ATP8B3: variants seen among roughly 807,000 people sequenced by gnomAD.
The protein encoded by ATP8B3 is phospholipid-transporting ATPase IK.
ATP8B3 carries 141 observed loss-of-function variants against 140.9 expected under a neutral mutation model. The ratio of observed to expected loss-of-function variants is 1.00; its 90% CI spans 0.87 to 1.15. The LOEUF (loss-of-function observed/expected upper bound fraction) is 1.15. Ranked by LOEUF, ATP8B3 falls within the 50% of genes most tolerant of loss-of-function variation. The probability of loss-of-function intolerance (pLI) is 0.00; values close to 1 mark genes in which losing one functional copy is unlikely to be tolerated. For synonymous variants in ATP8B3, 765 were observed against 714.6 expected (o/e 1.07, Z -1.13); for missense variants, 1,874 against 1,740.6 (o/e 1.08, Z -1.36).
At chr19:1,792,950 C>T (rs941906231) in intron 18 of ATP8B3, among the ~76,000 whole-genome samples, 1 of 151,680 alleles carries the variant, frequency 6.6e-6, no homozygotes, top group Non-Finnish European at 1.5e-5. Context: ...CTGAGCTGCC[C>T]CTGCTCCCCA....
rs948322694 is a variant in ATP8B3, at chr19:1,789,741, A to AGGG, written c.2479-17_2479-15dup. On this transcript the variant is annotated splice_polypyrimidine_tract_variant and intron_variant, in intron 22 of 28. Coordinates refer to ENST00000310127, the MANE Select transcript of ATP8B3 (RefSeq NM_138813.4). ...CAGCAGTTTGTCCTGGCCGGCGGGG[A>AGGG]GGGGGCTGTGCCAGGCGCCGTGGCC... The AGGG allele has an allele frequency of 2.6e-6, 4 of 1,547,198 alleles. No homozygotes were observed. The African/African-American group carries it at 5.4e-5, about 21-fold the overall frequency.
intron 4 of ATP8B3, 101 bp from the exon 5 acceptor site, chr19:1,808,436 TC>T: frequency 2.6e-6 from 2 of 762,304 alleles, no homozygotes; most frequent in South Asian, 3.0e-5. Flanking sequence ...TCGCCCAGCA[TC>T]CTCTGGGCTA....
intron 24 of ATP8B3, among the ~76,000 whole-genome samples, chr19:1,787,786 G>A (rs1351119435): frequency 6.9e-6 from 1 of 145,002 alleles, no homozygotes; most frequent in Non-Finnish European, 1.5e-5. Flanking sequence ...GCTCATGCCT[G>A]TAATCCCAGC....
rs778506889 is a variant in ATP8B3 at position 1,787,086 on chromosome 19, G to A, written c.3153+17C>T. Reference sequence around the variant, plus strand: ...AAGCAGAGACCTGGAAGGAAGACCCGGCCTTGCCCTGCTCACCTGCTCAAA... The same window carrying A: ...AAGCAGAGACCTGGAAGGAAGACCCAGCCTTGCCCTGCTCACCTGCTCAAA... On this transcript the variant is annotated intron_variant, in intron 25 of 28. Transcript: ENST00000310127. 21 of 1,576,248 alleles carry A rather than the reference G, an allele frequency of 1.3e-5. No individual in the cohort carries two copies. The highest frequency in any genetic ancestry group is 1.1e-4 in the African/African-American group (8 of 74,102).
chr19:1,783,449 G>A (rs1015579952), intron 28 of ATP8B3, among the ~76,000 whole-genome samples, 179 bp from the exon 29 acceptor site: 1 of 152,118 alleles, frequency 6.6e-6, no homozygotes, highest in Admixed American at 6.5e-5. Flanking sequence ...GTTCTAAGGA[G>A]GACTCTAGTC....
At position 1,804,676 on chromosome 19, in the gene ATP8B3, C is replaced by G. The variant is rs572082235; in HGVS notation, c.904+698G>C. Among the ~76,000 whole-genome samples, 6 of 151,230 alleles carry G rather than the reference C, an allele frequency of 4.0e-5. No homozygotes were observed. The South Asian group carries it at 6.3e-4, about 16-fold the overall frequency. The stretch of plus-strand genomic sequence containing the variant: ...CAAAAATTAGCTGGGAGTGGTGGCA[C>G]GCACCTGTAATCCCAGCTACTCAGG... On this transcript the variant is annotated intron_variant, in intron 10 of 28. Coordinates refer to ENST00000310127, the MANE Select transcript of ATP8B3 (RefSeq NM_138813.4).
At chr19:1,809,816 G>A in intron 3 of ATP8B3, 82 bp from the exon 4 acceptor site, 1 of 1,312,114 alleles carries the variant, frequency 7.6e-7, no homozygotes, top group Non-Finnish European at 1.1e-6. Context: ...AGGGCTCATG[G>A]GGCCCGTGGG....
Position 1,806,008 on chromosome 19 carries a change from G to A in ATP8B3, c.751-50C>T, listed in dbSNP as rs1038294943. 3.1e-6 allele frequency: 5 copies of A among 1,609,972 alleles called. No homozygotes were observed. Among genetic ancestry groups the A allele is most frequent in the Non-Finnish European group, 4.2e-6 (5 of 1,178,638 alleles). On this transcript the variant is annotated intron_variant, in intron 8 of 28. Coordinates refer to ENST00000310127, the MANE Select transcript of ATP8B3 (RefSeq NM_138813.4). The surrounding 1 kb of genome is among the most constrained non-coding windows in gnomAD (Gnocchi z 5.6). ...TGCAAGAGGGGATGCAAGACAAATT[G>A]GGGGTGCGGCAGCCCTCCCCACCCT...
Position 1,789,678 on chromosome 19 carries a change from T to G in ATP8B3, c.2528A>C (p.Asn843Thr). The G allele has an allele frequency of 1.3e-6, 2 of 1,599,326 alleles. No individual in the cohort carries two copies. Among genetic ancestry groups the G allele is most frequent in the Admixed American group, 1.7e-5 (1 of 59,032 alleles). The part of the protein sequence containing the change: ...LRKEPRALAQ[N>T]VNMDEAWQEL... ...CTGCCACGCCTCGTCCATGTTCACG[T>G]TCTGCGCCAGGGCGCGCGGCTCCTT... The change falls in exon 23 of 29, where the codon AAC becomes ACC. Residue 843 changes from asparagine (N) to threonine (T), a missense_variant. Coordinates refer to ENST00000310127, the MANE Select transcript of ATP8B3 (RefSeq NM_138813.4).
chr19:1,789,839 A>C, intron 22 of ATP8B3, 51 bp downstream of exon 22: 3 of 1,590,554 alleles, frequency 1.9e-6, no homozygotes, highest in Middle Eastern at 1.8e-4. Flanking sequence ...CCGCCCCTCC[A>C]GGCCCCTCCC....
At position 1,808,394 on chromosome 19, in the gene ATP8B3, G is replaced by T. The variant is rs945505179; in HGVS notation, c.403-59C>A. ...GGTGCCATCCAGGCCAGGGGATGGGGGTGCCCGAGGCCAGACCTGCCTCAC... is the reference window on the plus strand; with the variant it reads ...GGTGCCATCCAGGCCAGGGGATGGGTGTGCCCGAGGCCAGACCTGCCTCAC... On this transcript the variant is annotated intron_variant, in intron 4 of 28. Transcript: ENST00000310127. 8 of 1,350,442 alleles carry T rather than the reference G, an allele frequency of 5.9e-6. No individual in the cohort carries two copies. In the Admixed American group the frequency reaches 9.2e-5, roughly 16 times the overall value. The allele number at this position is 1,350,442 out of a possible 1,614,324, so 83.7% of individuals were successfully genotyped here.
Position 1,785,728 on chromosome 19 carries a change from CTTGGGATTGGGTGGGGG to C in ATP8B3, c.3154-37_3154-21del. 1 of 1,533,258 alleles carries C rather than the reference CTTGGGATTGGGTGGGGG, an allele frequency of 6.5e-7. No homozygotes were observed. The highest frequency in any genetic ancestry group is 8.8e-7 in the Non-Finnish European group (1 of 1,136,728). 95.0% of individuals were successfully genotyped at this position (1,533,258 alleles called of 1,614,324 possible). ...CACGTCCTTGGGGCAAGCAGAAGCT[CTTGGGATTGGGTGGGGG>C]GCGGGGGACACCCAACAGAGATCAG... On this transcript the variant is annotated intron_variant, in intron 25 of 28. Coordinates refer to ENST00000310127, the MANE Select transcript of ATP8B3 (RefSeq NM_138813.4).
intron 25 of ATP8B3, among the ~76,000 whole-genome samples, chr19:1,786,824 C>T (rs2068320637): frequency 6.6e-6 from 1 of 150,658 alleles, no homozygotes; most frequent in South Asian, 2.2e-4. Flanking sequence ...CTGATCCTCT[C>T]TCCCCATTGC....
Position 1,796,079 on chromosome 19 carries a change from A to G in ATP8B3, c.1940T>C (p.Leu647Pro). ...FNSTRKRMSVLVRKPEGAICL... is the reference protein window; with the variant it reads ...FNSTRKRMSVPVRKPEGAICL... Reference sequence around the variant, plus strand: ...AGGGCTTGGGTGGCGGGGCTCACCCAGCACCGACATCCGTTTGCGCGTGCT... The same window carrying G: ...AGGGCTTGGGTGGCGGGGCTCACCCGGCACCGACATCCGTTTGCGCGTGCT... The change falls in exon 17 of 29, where the codon CTG becomes CCG. Residue 647 changes from leucine (L) to proline (P), a missense_variant and splice_region_variant. Leu to Pro is a moderately conservative substitution (Grantham distance 98). Around this residue, in one of 3 missense-constraint regions of ATP8B3, gnomAD observed 1,032 missense variants for 963.6 expected, o/e 1.07. Coordinates refer to ENST00000310127, the MANE Select transcript of ATP8B3 (RefSeq NM_138813.4). 6.2e-7 allele frequency: 1 copy of G among 1,612,718 alleles called. No individual in the cohort carries two copies.
chr19:1,808,359 C>G, intron 4 of ATP8B3, 24 bp from the exon 5 acceptor site: 3 of 1,584,478 alleles, frequency 1.9e-6, no homozygotes. Flanking sequence ...CGCGGGCTGC[C>G]TGGCAGAGGG....
rs139586745 is a variant in ATP8B3, at chr19:1,785,577, G to A, written c.3285C>T (p.Phe1095=). The A allele has an allele frequency of 7.6e-5, 122 of 1,613,180 alleles. 3 individuals carry two copies. In the East Asian group the frequency reaches 2.7e-3, roughly 36 times the overall value. ...TGTCGCGGCTGATCCACAGTGTCATGAAGAAGTTGACCAGAGAGGTGGTCA... is the reference window on the plus strand; with the variant it reads ...TGTCGCGGCTGATCCACAGTGTCATAAAGAAGTTGACCAGAGAGGTGGTCA... The part of the protein sequence containing the change: ...HGVTTSLVNF[F]MTLWISRDTA... The change falls in exon 26 of 29, where the codon TTC becomes TTT. Residue 1095 remains phenylalanine (F), a synonymous_variant. Coordinates refer to ENST00000310127, the MANE Select transcript of ATP8B3 (RefSeq NM_138813.4).
At chr19:1,808,754 T>C (rs1176593017) in intron 4 of ATP8B3, among the ~76,000 whole-genome samples, 1 of 152,176 alleles carries the variant, frequency 6.6e-6, no homozygotes, top group Non-Finnish European at 1.5e-5. Flanking sequence ...GATGGACACA[T>C]TGTACTTTCA....
At chr19:1,801,657 C>T (rs923855049) in intron 12 of ATP8B3, among the ~76,000 whole-genome samples, 4 of 152,210 alleles carry the variant, frequency 2.6e-5, no homozygotes, top group Admixed American at 2.0e-4. Context: ...GGGGCTGAGG[C>T]AGGAGACTTG....
chr19:1,783,347 A>G, intron 28 of ATP8B3, 77 bp from the exon 29 acceptor site: 3 of 1,514,214 alleles, frequency 2.0e-6, no homozygotes, highest in Non-Finnish European at 2.7e-6. Flanking sequence ...CAAGTAGGAG[A>G]GGCAGGATTC....
Sources: allele counts gnomAD v4.1 joint callset (sites outside exome capture counted in the v4.1 genomes callset), GRCh38; gene constraint gnomAD v4.1.1; regional missense constraint gnomAD v4.1.1; non-coding constraint Gnocchi (gnomAD v3.1); transcripts MANE v1.5; gene names NCBI Gene and HGNC (gene_info 2026-07-23, HGNC 2026-07-21).